MS4A4E: variants seen among roughly 807,000 people sequenced by gnomAD.
MS4A4E encodes putative membrane-spanning 4-domains subfamily A member 4E.
Under a neutral mutation model 13.3 loss-of-function variants are expected in MS4A4E, and 23 were observed. That is an observed-to-expected ratio of 1.73 (90% CI 1.25 to 2.45). The LOEUF (loss-of-function observed/expected upper bound fraction) is 2.45. Ranked by LOEUF, MS4A4E falls within the 30% of genes most tolerant of loss-of-function variation. The pLI, the probability that MS4A4E is intolerant of heterozygous loss-of-function variation, is 0.00. For synonymous variants in MS4A4E, 36 were observed against 45.6 expected (o/e 0.79, Z 0.85); for missense variants, 144 against 131.2 (o/e 1.10, Z -0.48).
At chr11:60,206,564 C>G (rs2084051674) in intron 6 of MS4A4E, 1 of 146,316 alleles carries the variant, frequency 6.8e-6, no homozygotes, top group African/African-American at 2.8e-5. Context: ...ATAATGATAT[C>G]AATATGTCTA....
intron 3 of MS4A4E, among the ~76,000 whole-genome samples, chr11:60,218,259 A>G (rs1255984409): frequency 1.3e-5 from 2 of 152,152 alleles, no homozygotes; most frequent in African/African-American, 2.4e-5. Context: ...GATGTTATCA[A>G]TGACCATGGT....
chr11:60,229,465 C>T (rs374982361), intron 2 of MS4A4E, among the ~76,000 whole-genome samples: 42 of 152,204 alleles, frequency 2.8e-4, no homozygotes, highest in African/African-American at 7.2e-4. Flanking sequence ...TAGACACGTT[C>T]GCCTGAGACT....
chr11:60,207,168 A>C (rs1335420206), intron 6 of MS4A4E, among the ~76,000 whole-genome samples: 2 of 152,178 alleles, frequency 1.3e-5, no homozygotes, highest in Non-Finnish European at 2.9e-5. Flanking sequence ...TCATCACAAA[A>C]CTAAGAAAAG....
intron 4 of MS4A4E, among the ~76,000 whole-genome samples, chr11:60,214,275 G>A (rs1387701293): frequency 6.6e-6 from 1 of 152,056 alleles, no homozygotes; most frequent in Non-Finnish European, 1.5e-5. Flanking sequence ...ACTGTCATGG[G>A]CTGAATCCCA....
rs746270814 is a variant in MS4A4E at position 60,214,548 on chromosome 11, AC to A, written c.222+22del. The A allele has an allele frequency of 2.1e-5, 31 of 1,479,108 alleles. 1 individual carries two copies. The African/African-American group carries it at 3.3e-4, about 16-fold the overall frequency. 91.6% of individuals were successfully genotyped at this position (1,479,108 alleles called of 1,614,324 possible). A position where few individuals can be genotyped will look rare whatever the true frequency, so the allele number is the denominator to read the frequency against. On this transcript the variant is annotated intron_variant, in intron 4 of 8. Coordinates refer to ENST00000651255, the MANE Select transcript of MS4A4E (RefSeq NM_001393391.1). ...TATTGATTAATCCTTTCCTTTTGAT[AC>A]CCCCCACAAAACATTACTCACCAGA... is the stretch of plus-strand genomic sequence containing the variant.
At position 60,229,912 on chromosome 11, in the gene MS4A4E, C is replaced by T; in HGVS notation, c.144G>A (p.Gly48=). Residue 48 remains glycine, a splice_region_variant and synonymous_variant, in exon 2 of 9, where the codon GGG becomes GGA. Coordinates refer to ENST00000651255, the MANE Select transcript of MS4A4E (RefSeq NM_001393391.1). ...KFFKRKPKVL[G]VLCGHKFSTH... is the part of the protein sequence containing the mutation. ...TCTCCCAGATTTGCAATTGACTTAC[C>T]CCAAGGACTTTGGGTTTCCTCTTGA... 1.3e-6 allele frequency: 2 copies of T among 1,599,160 alleles called. No homozygotes were observed. The highest frequency in any genetic ancestry group is 1.1e-5 in the South Asian group (1 of 89,262).
chr11:60,238,208 G>T (rs1040008542), intron 1 of MS4A4E, among the ~76,000 whole-genome samples: 3 of 151,638 alleles, frequency 2.0e-5, no homozygotes, highest in Non-Finnish European at 2.9e-5. Flanking sequence ...GTTTGGAATT[G>T]TTCCCTTCTC....
At chr11:60,232,215 A>G (rs1590726576) in intron 1 of MS4A4E, among the ~76,000 whole-genome samples, 1 of 151,750 alleles carries the variant, frequency 6.6e-6, no homozygotes, top group East Asian at 2.0e-4. Flanking sequence ...AAGGTCTATA[A>G]TATGTCTTCA....
At chr11:60,215,775 A>G (rs1458382489) in intron 3 of MS4A4E, among the ~76,000 whole-genome samples, 1 of 152,188 alleles carries the variant, frequency 6.6e-6, no homozygotes, top group Non-Finnish European at 1.5e-5. Context: ...TATGAATAAC[A>G]TATATTGCAA....
intron 6 of MS4A4E, chr11:60,206,645 G>T: frequency 4.6e-6 from 1 of 216,486 alleles, no homozygotes; most frequent in South Asian, 9.0e-5. Context: ...TAGATTTCTG[G>T]AGCATTCTTC....
intron 8 of MS4A4E, among the ~76,000 whole-genome samples, chr11:60,204,324 T>C (rs2084015381): frequency 6.6e-6 from 1 of 152,212 alleles, no homozygotes; most frequent in Non-Finnish European, 1.5e-5. Flanking sequence ...CAACTTGAGG[T>C]AAACTTTGAC....
At chr11:60,219,805 A>T (rs1459905212) in intron 3 of MS4A4E, among the ~76,000 whole-genome samples, 2 of 152,196 alleles carry the variant, frequency 1.3e-5, no homozygotes, top group African/African-American at 2.4e-5. Context: ...CTGAGCTGAC[A>T]TTGATTCCAG....
At chr11:60,207,385 A>G (rs2084061768) in intron 6 of MS4A4E, among the ~76,000 whole-genome samples, 1 of 152,232 alleles carries the variant, frequency 6.6e-6, no homozygotes, top group East Asian at 1.9e-4. Context: ...CATGAAAGTT[A>G]CTTCACTTGA....
rs550383134 is a variant in MS4A4E, at chr11:60,233,760, G to A, written c.-16-3689C>T. On this transcript the variant is annotated intron_variant, in intron 1 of 8. Transcript: ENST00000651255. Reference sequence around the variant, plus strand: ...CCTCTATTAGGGCAAAGCTGAGTGGGAATGCGGAGTCAGAGCCAACACAGA... The same window carrying A: ...CCTCTATTAGGGCAAAGCTGAGTGGAAATGCGGAGTCAGAGCCAACACAGA... 7.2e-5 allele frequency among the ~76,000 whole-genome samples: 11 copies of A among 152,342 alleles called. No individual in the cohort carries two copies. The East Asian group carries it at 1.7e-3, about 24-fold the overall frequency.
intron 1 of MS4A4E, among the ~76,000 whole-genome samples, chr11:60,232,526 G>A (rs1217971678): frequency 6.6e-6 from 1 of 152,126 alleles, no homozygotes; most frequent in Non-Finnish European, 1.5e-5. Context: ...ACAGGGAAAA[G>A]GTTAGTGACA....
intron 1 of MS4A4E, among the ~76,000 whole-genome samples, chr11:60,236,832 G>T (rs1244977228): frequency 6.6e-6 from 1 of 151,880 alleles, no homozygotes; most frequent in African/African-American, 2.4e-5. Flanking sequence ...CGCCTCCAGG[G>T]TTCAAGCAAT....
chr11:60,201,400 G>A lies in MS4A4E; in HGVS notation c.*143C>T, dbSNP rs1185160873. ...GGGCTCCTCACTTCTCAGACGGGGC[G>A]GTTGCCAGGCGGAGGGTCTCCTCCC... is the stretch of plus-strand genomic sequence containing the variant. On this transcript the variant is annotated 3_prime_UTR_variant, in exon 9 of 9. Coordinates refer to ENST00000651255, the MANE Select transcript of MS4A4E (RefSeq NM_001393391.1). 37 of 194,528 alleles carry A rather than the reference G, an allele frequency of 1.9e-4. 1 individual carries two copies. The highest frequency in any genetic ancestry group is 1.8e-3 in the South Asian group (25 of 14,036). 12.1% of individuals were successfully genotyped at this position (194,528 alleles called of 1,614,324 possible). A position where few individuals can be genotyped will look rare whatever the true frequency, so the allele number is the denominator to read the frequency against.
chr11:60,213,271 A>T, intron 4 of MS4A4E, 139 bp from the exon 5 acceptor site: 1 of 1,535,248 alleles, frequency 6.5e-7, no homozygotes, highest in Non-Finnish European at 8.7e-7. Context: ...TTCAACTCTG[A>T]TCTCTCGCCA....
At chr11:60,210,262 T>C (rs1446628584) in intron 5 of MS4A4E, among the ~76,000 whole-genome samples, 1 of 152,240 alleles carries the variant, frequency 6.6e-6, no homozygotes, top group Non-Finnish European at 1.5e-5. Context: ...TGTGGACTGA[T>C]TGTGCAGGTG....
Sources: allele counts gnomAD v4.1 joint callset (sites outside exome capture counted in the v4.1 genomes callset), GRCh38; gene constraint gnomAD v4.1.1; transcripts MANE v1.5; gene names NCBI Gene and HGNC (gene_info 2026-07-23, HGNC 2026-07-21).